PCGF5: variants seen among roughly 807,000 people sequenced by gnomAD.
The protein encoded by PCGF5 is polycomb group RING finger protein 5.
A neutral mutation model predicts 44.3 loss-of-function variants in PCGF5; 9 were observed. The observed-to-expected ratio is 0.20, with a 90% CI of 0.12 to 0.35. The LOEUF is 0.35. Among genes scored for constraint, PCGF5 ranks in the 10% least tolerant of loss-of-function variants. The pLI, the probability that PCGF5 is intolerant of heterozygous loss-of-function variation, is 1.00. For synonymous variants in PCGF5, 95 were observed against 102.5 expected (o/e 0.93, Z 0.44); for missense variants, 146 against 305.3 (o/e 0.48, Z 3.89).
chr10:91,255,644 C>T (rs7897104), intron 6 of PCGF5, among the ~76,000 whole-genome samples: 19,859 of 152,036 alleles, frequency 0.13, 2,439 homozygotes, highest in African/African-American at 0.32. Flanking sequence ...GTAAAGAATA[C>T]AGACTTTATG....
chr10:91,205,781 G>A (rs1160983507), intron 1 of PCGF5, among the ~76,000 whole-genome samples: 1 of 152,162 alleles, frequency 6.6e-6, no homozygotes, highest in South Asian at 2.1e-4. Flanking sequence ...TTGTTGGTCA[G>A]GAGTTTGAGA....
intron 9 of PCGF5, among the ~76,000 whole-genome samples, chr10:91,271,927 T>G (rs1032808936): frequency 2.2e-4 from 33 of 152,356 alleles, no homozygotes; most frequent in African/African-American, 7.2e-4. Flanking sequence ...CTATTACTTA[T>G]GAATCAGGAA....
intron 8 of PCGF5, 81 bp downstream of exon 8, chr10:91,264,601 A>G (rs1846002668): frequency 3.7e-6 from 4 of 1,079,170 alleles, no homozygotes; most frequent in South Asian, 1.6e-5. Flanking sequence ...ATTAGAAACT[A>G]AAAAAGACAA....
Position 91,278,447 on chromosome 10 carries a change from T to G in PCGF5, c.*131T>G, listed in dbSNP as rs1045616674. 2.6e-6 allele frequency: 2 copies of G among 782,316 alleles called. No homozygotes were observed. The highest frequency in any genetic ancestry group is 3.5e-5 in the African/African-American group (2 of 57,830). 48.5% of individuals were successfully genotyped at this position (782,316 alleles called of 1,614,324 possible). On this transcript the variant is annotated 3_prime_UTR_variant, in exon 10 of 10. Transcript: ENST00000336126. ...TCAGCATGCAAATAAGGCCATTGTC[T>G]ATCTCTAAATTGTCAGTTGCATTCA...
At chr10:91,184,636 C>G (rs1421695042) in intron 1 of PCGF5, among the ~76,000 whole-genome samples, 1 of 152,186 alleles carries the variant, frequency 6.6e-6, no homozygotes, top group African/African-American at 2.4e-5. Flanking sequence ...AGAGGGCACT[C>G]TGGCTTTTTG....
intron 2 of PCGF5, among the ~76,000 whole-genome samples, chr10:91,238,396 G>A (rs1036941909): frequency 2.2e-4 from 34 of 152,238 alleles, no homozygotes; most frequent in African/African-American, 8.2e-4. Context: ...GGAAGATAGG[G>A]TCCTACCCTT....
the PCGF5 span, among the ~76,000 whole-genome samples, chr10:91,157,468 T>C: frequency 6.6e-6 from 1 of 152,236 alleles, no homozygotes; most frequent in Non-Finnish European, 1.5e-5. Context: ...TTGGTTCTTC[T>C]GCTGGGTTCA....
intron 1 of PCGF5, among the ~76,000 whole-genome samples, chr10:91,196,275 A>G (rs752239518): frequency 9.9e-5 from 15 of 152,224 alleles, no homozygotes; most frequent in Non-Finnish European, 2.1e-4. Flanking sequence ...AAATGTGCTA[A>G]TTACAAAAGT....
At chr10:91,264,229 T>C (rs1055076705) in intron 7 of PCGF5, among the ~76,000 whole-genome samples, 1 of 152,214 alleles carries the variant, frequency 6.6e-6, no homozygotes, top group Non-Finnish European at 1.5e-5. Context: ...CAGTATCTTG[T>C]ATATAGTATA....
rs917553370 is a variant in PCGF5 at position 91,283,561 on chromosome 10, C to A, written c.*5245C>A. ...ATTTATCCATCCTCTGCACATCAGT[C>A]CACTGGAGCAGGAGTTCTACACATT... On this transcript the variant is annotated 3_prime_UTR_variant, in exon 10 of 10. Transcript: ENST00000336126. The A allele has an allele frequency of 4.6e-5, 7 of 151,832 alleles. No individual in the cohort carries two copies. Among genetic ancestry groups the A allele is most frequent in the African/African-American group, 1.5e-4 (6 of 41,314 alleles). The allele number at this position is 151,832 out of a possible 1,614,324, so 9.4% of individuals were successfully genotyped here.
At chr10:91,261,262 C>T in intron 6 of PCGF5, 64 bp from the exon 7 acceptor site, 2 of 1,373,856 alleles carry the variant, frequency 1.5e-6, no homozygotes, top group Non-Finnish European at 1.9e-6. Flanking sequence ...ATGGTTTCAC[C>T]AGAAGCAAGA....
At chr10:91,186,503 G>C (rs1158859229) in intron 1 of PCGF5, among the ~76,000 whole-genome samples, 1 of 150,860 alleles carries the variant, frequency 6.6e-6, no homozygotes, top group Non-Finnish European at 1.5e-5. Context: ...AAATATTTTA[G>C]ACCTCAGGGA....
chr10:91,174,412 C>T (rs1843664976), intron 1 of PCGF5, among the ~76,000 whole-genome samples: 1 of 152,102 alleles, frequency 6.6e-6, no homozygotes, highest in African/African-American at 2.4e-5. Context: ...GAGGCTGAGG[C>T]ACGAGAATCA....
At chr10:91,208,434 A>G (rs1844385848) in intron 1 of PCGF5, among the ~76,000 whole-genome samples, 1 of 152,106 alleles carries the variant, frequency 6.6e-6, no homozygotes, top group African/African-American at 2.4e-5. Context: ...TTCAATTTTA[A>G]TTGTGTATGA....
At position 91,278,411 on chromosome 10, in the gene PCGF5, C is replaced by T; in HGVS notation, c.*95C>T. 2 of 1,116,742 alleles carry T rather than the reference C, an allele frequency of 1.8e-6. No individual in the cohort carries two copies. Among genetic ancestry groups the T allele is most frequent in the Non-Finnish European group, 2.7e-6 (2 of 736,048 alleles). 69.2% of individuals were successfully genotyped at this position (1,116,742 alleles called of 1,614,324 possible). A position where few individuals can be genotyped will look rare whatever the true frequency, so the allele number is the denominator to read the frequency against. On this transcript the variant is annotated 3_prime_UTR_variant, in exon 10 of 10. Coordinates refer to ENST00000336126, the MANE Select transcript of PCGF5 (RefSeq NM_032373.5). ...TAACGGTGTGTGGACTAGAGGAACA[C>T]AACCAGATTTTCAGCATGCAAATAA...
chr10:91,169,935 G>A (rs914867704), intron 1 of PCGF5, among the ~76,000 whole-genome samples: 29 of 152,172 alleles, frequency 1.9e-4, no homozygotes, highest in African/African-American at 6.8e-4. Context: ...TGGATCATGG[G>A]ACAGAATAGA....
intron 3 of PCGF5, among the ~76,000 whole-genome samples, chr10:91,247,997 G>A (rs995795545): frequency 9.9e-5 from 15 of 152,118 alleles, no homozygotes; most frequent in African/African-American, 3.4e-4. Context: ...TGGGGGATGG[G>A]CTGTCTGTGG....
Position 91,271,661 on chromosome 10 carries a change from T to C in PCGF5, c.687T>C (p.Ala229=). The change falls in exon 9 of 10, where the codon GCT becomes GCC. Residue 229 remains alanine, a synonymous_variant. Coordinates refer to ENST00000336126, the MANE Select transcript of PCGF5 (RefSeq NM_032373.5). ...GENFRCLNCS[A]SQVCSQDGPL... is the part of the protein sequence containing the mutation. ...AGTTTCGGTGTCTGAACTGCTCAGC[T>C]TCGCAAGTCTGCTCTCAGGATGGCC... is the stretch of plus-strand genomic sequence containing the variant. 1 of 1,614,000 alleles carries C rather than the reference T, an allele frequency of 6.2e-7. No individual in the cohort carries two copies. The highest frequency in any genetic ancestry group is 8.5e-7 in the Non-Finnish European group (1 of 1,179,920).
chr10:91,180,096 C>G (rs1249893305), intron 1 of PCGF5, among the ~76,000 whole-genome samples: 4 of 152,006 alleles, frequency 2.6e-5, no homozygotes, highest in African/African-American at 9.7e-5. Flanking sequence ...CTCTAATGAT[C>G]AGTGATGTTG....
Sources: allele counts gnomAD v4.1 joint callset (sites outside exome capture counted in the v4.1 genomes callset), GRCh38; gene constraint gnomAD v4.1.1; transcripts MANE v1.5; gene names NCBI Gene and HGNC (gene_info 2026-07-23, HGNC 2026-07-21).